The following PAFAH1B1 variants were observed in gnomAD, a reference collection of about 807,000 sequenced individuals.
The protein encoded by PAFAH1B1 is platelet-activating factor acetylhydrolase IB subunit beta.
PAFAH1B1 carries 2 observed loss-of-function variants against 57.5 expected under a neutral mutation model. That is an observed-to-expected ratio of 0.03 (90% CI 0.01 to 0.11). The LOEUF (loss-of-function observed/expected upper bound fraction) is 0.11. PAFAH1B1 is among the 10% of genes least tolerant of loss of function. The probability of loss-of-function intolerance (pLI) is 1.00; values close to 1 mark genes in which losing one functional copy is unlikely to be tolerated. For synonymous variants in PAFAH1B1, 152 were observed against 169.6 expected (o/e 0.90, Z 0.81); for missense variants, 257 against 512.0 (o/e 0.50, Z 4.81).
chr17:2,599,864 G>C, intron 1 of PAFAH1B1, among the ~76,000 whole-genome samples: 1 of 148,490 alleles, frequency 6.7e-6, no homozygotes, highest in Non-Finnish European at 1.5e-5. Context: ...TTTTACAAAA[G>C]TAAAATTAAG....
chr17:2,614,592 C>T (rs933672388), intron 1 of PAFAH1B1, among the ~76,000 whole-genome samples: 4 of 151,996 alleles, frequency 2.6e-5, no homozygotes, highest in Admixed American at 6.6e-5. Context: ...TTTTTAAAGA[C>T]GACTTTTATA....
intron 2 of PAFAH1B1, among the ~76,000 whole-genome samples, chr17:2,655,435 A>G (rs1386690687): frequency 6.6e-6 from 1 of 152,162 alleles, no homozygotes; most frequent in Admixed American, 6.6e-5. Flanking sequence ...GCACCTTGGG[A>G]GGCCGAAGCA....
chr17:2,633,961 CTTTTT>C (rs553588827), intron 1 of PAFAH1B1, among the ~76,000 whole-genome samples: 1,746 of 119,726 alleles, frequency 0.015, 22 homozygotes, highest in African/African-American at 0.025. Context: ...AGTACCAAAC[CTTTTT>C]TTTTTTTTTT....
At chr17:2,648,653 G>T (rs11078286) in intron 2 of PAFAH1B1, among the ~76,000 whole-genome samples, 42,224 of 148,982 alleles carry the variant, frequency 0.28, 6,202 homozygotes, top group Middle Eastern at 0.36. Context: ...ACTCCATGCT[G>T]GGCAACAGAG....
chr17:2,628,584 AGGGTGATGCT>A (rs2068520669), intron 1 of PAFAH1B1, among the ~76,000 whole-genome samples: 1 of 152,048 alleles, frequency 6.6e-6, no homozygotes, highest in African/African-American at 2.4e-5. Flanking sequence ...TTTTGGTATT[AGGGTGATGCT>A]GGCTTCATAA....
At chr17:2,611,832 G>A (rs1405002499) in intron 1 of PAFAH1B1, among the ~76,000 whole-genome samples, 1 of 152,144 alleles carries the variant, frequency 6.6e-6, no homozygotes, top group Middle Eastern at 3.2e-3. Flanking sequence ...GGCAACATCA[G>A]GGCAGATAAT....
At chr17:2,593,588 T>TGGGGCG (rs1555520015), upstream of PAFAH1B1, among the ~76,000 whole-genome samples, 4 of 135,356 alleles carry the variant, frequency 3.0e-5, no homozygotes, top group South Asian at 2.7e-4. Flanking sequence ...CTGGCGGGTC[T>TGGGGCG]GGGGCGGCGG....
chr17:2,610,873 A>T (rs2151614669), intron 1 of PAFAH1B1, among the ~76,000 whole-genome samples: 1 of 152,322 alleles, frequency 6.6e-6, no homozygotes, highest in South Asian at 2.1e-4. Context: ...TCAGTCTGAA[A>T]GAGTGGATAG....
chr17:2,677,470 ATT>A (rs1401776212), intron 9 of PAFAH1B1, among the ~76,000 whole-genome samples: 1 of 152,150 alleles, frequency 6.6e-6, no homozygotes, highest in Non-Finnish European at 1.5e-5. Context: ...TTGTTTAGAG[ATT>A]TTTTAGGTGC....
chr17:2,593,659 G>C lies in PAFAH1B1; in HGVS notation c.-538G>C, dbSNP rs1184966676. ...GTTGGGGCAGCTCCTGTGACAGACG[G>C]AGCTGGAGCGGCGGGGCGGCGGCGG... On this transcript the variant is annotated 5_prime_UTR_variant, in exon 1 of 11. Coordinates refer to ENST00000397195, the MANE Select transcript of PAFAH1B1 (RefSeq NM_000430.4). 3.6e-6 allele frequency: 1 copy of C among 275,142 alleles called. No individual in the cohort carries two copies. The highest frequency in any genetic ancestry group is 6.4e-5 in the East Asian group (1 of 15,668). 17.0% of individuals were successfully genotyped at this position (275,142 alleles called of 1,614,324 possible).
intron 2 of PAFAH1B1, among the ~76,000 whole-genome samples, chr17:2,652,612 C>T (rs899074616): frequency 6.6e-6 from 1 of 152,128 alleles, no homozygotes; most frequent in Non-Finnish European, 1.5e-5. Context: ...CGGTTTTTCC[C>T]TGGCCTGTGT....
intron 1 of PAFAH1B1, among the ~76,000 whole-genome samples, chr17:2,610,431 G>C (rs2068254589): frequency 6.6e-6 from 1 of 152,180 alleles, no homozygotes; most frequent in Admixed American, 6.5e-5. Context: ...CAGCAGGAGA[G>C]AAAAACTTGG....
rs565995279 is a variant in PAFAH1B1, at chr17:2,638,259, A to G, written c.-30A>G. 3.7e-5 allele frequency: 59 copies of G among 1,600,664 alleles called. No homozygotes were observed. In the South Asian group the frequency reaches 5.4e-4, roughly 15 times the overall value. ...TTTCCCAAAGGAGGGACATACCACT[A>G]TATCAGATAAGCTTGACATTACAGC... On this transcript the variant is annotated 5_prime_UTR_variant, in exon 2 of 11. Coordinates refer to ENST00000397195, the MANE Select transcript of PAFAH1B1 (RefSeq NM_000430.4).
intron 2 of PAFAH1B1, among the ~76,000 whole-genome samples, chr17:2,654,588 TAAA>T (rs2068912140): frequency 6.6e-6 from 1 of 152,156 alleles, no homozygotes; most frequent in Non-Finnish European, 1.5e-5. Flanking sequence ...GGTAAAAAAT[TAAA>T]AAGGCCCTCT....
In PAFAH1B1 at chr17:2,640,618, A is replaced by G. The variant is rs1482718689; in HGVS notation, c.32+2298A>G. 6 of 151,212 alleles carry G rather than the reference A, an allele frequency of 4.0e-5. No individual in the cohort carries two copies. The East Asian group carries it at 9.7e-4, about 25-fold the overall frequency. 9.4% of individuals were successfully genotyped at this position (151,212 alleles called of 1,614,324 possible). On this transcript the variant is annotated intron_variant, in intron 2 of 10. Coordinates refer to ENST00000397195, the MANE Select transcript of PAFAH1B1 (RefSeq NM_000430.4). ...AGGCGCACACCACCACACCCGGCTT[A>G]TTTTTTGTATTTTTAGTAGAGGCGG...
intron 9 of PAFAH1B1, chr17:2,679,610 A>ATG (rs2069343172): frequency 1.0e-5 from 1 of 97,416 alleles, no homozygotes; most frequent in Admixed American, 1.1e-4. Context: ...GGGTGGGTGG[A>ATG]TGGATGGATG....
intron 1 of PAFAH1B1, among the ~76,000 whole-genome samples, chr17:2,621,687 G>A (rs1331637748): frequency 5.2e-5 from 3 of 58,136 alleles, no homozygotes; most frequent in Non-Finnish European, 8.8e-5. Flanking sequence ...GTGCAGTGGC[G>A]TCATCTCAGC....
At chr17:2,613,094 T>G (rs2068286682) in intron 1 of PAFAH1B1, among the ~76,000 whole-genome samples, 1 of 150,796 alleles carries the variant, frequency 6.6e-6, no homozygotes, top group South Asian at 2.1e-4. Flanking sequence ...CATAAAGTTT[T>G]GTTGGAACAA....
intron 1 of PAFAH1B1, among the ~76,000 whole-genome samples, chr17:2,631,105 G>A (rs1339115282): frequency 1.3e-5 from 2 of 152,108 alleles, no homozygotes; most frequent in Non-Finnish European, 2.9e-5. Context: ...GCCAGGCGTG[G>A]TGGCGTGTGC....
Sources: gnomAD v4.1 joint callset for allele counts (sites outside exome capture counted in the v4.1 genomes callset) on GRCh38, gnomAD v4.1.1 for gene constraint, MANE v1.5 for transcripts, NCBI Gene and HGNC (gene_info 2026-07-23, HGNC 2026-07-21) for gene names.